The following ELF4 variants were observed in gnomAD, a reference collection of about 807,000 sequenced individuals.
ELF4 encodes the protein E74 like ETS transcription factor 4.
ELF4 carries 10 observed loss-of-function variants against 31.7 expected under a neutral mutation model. The observed-to-expected ratio is 0.32, with a 90% CI of 0.19 to 0.54. The LOEUF (loss-of-function observed/expected upper bound fraction) is 0.54, where lower values mean the gene tolerates loss of function less well. Among genes scored for constraint, ELF4 ranks in the 20% least tolerant of loss-of-function variants. ELF4 has a pLI of 0.95. For synonymous variants in ELF4, 208 were observed against 226.7 expected (o/e 0.92, Z 0.74); for missense variants, 418 against 522.0 (o/e 0.80, Z 1.94).
chrX:130,066,530 T>C lies in ELF4; in HGVS notation c.*191A>G. 1.0e-5 allele frequency: 5 copies of C among 481,395 alleles called. No individual in the cohort carries two copies. Among genetic ancestry groups the C allele is most frequent in the East Asian group, 3.5e-5 (1 of 28,926 alleles). 39.7% of individuals were successfully genotyped at this position (481,395 alleles called of 1,213,427 possible). A position where few individuals can be genotyped will look rare whatever the true frequency, so the allele number is the denominator to read the frequency against. ...TATGCCCTAGTGCTCTTGAAGGCCA[T>C]AGTCTGATGCCAGGGATGCTTAAGC... On this transcript the variant is annotated 3_prime_UTR_variant, in exon 9 of 9. Coordinates refer to ENST00000308167, the MANE Select transcript of ELF4 (RefSeq NM_001421.4).
chrX:130,077,813 C>T (rs757874546), intron 2 of ELF4, among the ~76,000 whole-genome samples: 6 of 111,826 alleles, frequency 5.4e-5, no homozygotes, highest in East Asian at 5.6e-4. Context: ...CAGGGCCTGG[C>T]GTAGACTAAG....
chrX:130,091,969 C>T (rs911607864), intron 1 of ELF4, among the ~76,000 whole-genome samples: 6 of 112,179 alleles, frequency 5.3e-5, no homozygotes. Context: ...CCGCTGCCCC[C>T]ATGGGCCTCC....
At chrX:130,073,545 CT>C (rs774879583) in intron 4 of ELF4, among the ~76,000 whole-genome samples, 11 of 112,301 alleles carry the variant, frequency 9.8e-5, no homozygotes, top group African/African-American at 3.6e-4. Flanking sequence ...GAGGTTCGCT[CT>C]TGTCACCCAG....
chrX:130,092,309 C>A (rs1054613727), intron 1 of ELF4, among the ~76,000 whole-genome samples: 2 of 113,313 alleles, frequency 1.8e-5, no homozygotes, highest in African/African-American at 6.4e-5. Flanking sequence ...CCCTTCGGGG[C>A]CTGCTGGCCC....
chrX:130,109,244 G>C (rs1343519667), intron 1 of ELF4, among the ~76,000 whole-genome samples: 3 of 112,169 alleles, frequency 2.7e-5, no homozygotes, highest in Admixed American at 9.4e-5. Flanking sequence ...TGGTGGTTCA[G>C]GCCCTGGGGT....
rs773499524 is a variant in ELF4 at position 130,071,437 on chromosome X, G to A, written c.533-18C>T. The A allele has an allele frequency of 4.2e-6, 5 of 1,204,762 alleles. No homozygotes were observed. The highest frequency in any genetic ancestry group is 4.5e-6 in the Non-Finnish European group (4 of 889,595). ...CTTCCGGACTATGAGGGAAAGGTGA[G>A]TAGGATGAGGAGCAGCTCCCAAGAG... On this transcript the variant is annotated intron_variant, in intron 5 of 8. Transcript: ENST00000308167.
Position 130,064,300 on chromosome X carries a change from T to C in ELF4, c.*2421A>G, listed in dbSNP as rs997412951. On this transcript the variant is annotated 3_prime_UTR_variant, in exon 9 of 9. Transcript: ENST00000308167. ...TGAAAATACAAAAATTAGCTGGGCA[T>C]GGTGGCATGTGCCTGTACTCCCAGC... 2.7e-5 allele frequency among the ~76,000 whole-genome samples: 3 copies of C among 111,233 alleles called. No individual in the cohort carries two copies. The highest frequency in any genetic ancestry group is 9.8e-5 in the African/African-American group (3 of 30,554).
At chrX:130,101,846 A>AAAACAAAAC (rs1933266374) in intron 1 of ELF4, among the ~76,000 whole-genome samples, 2 of 78,302 alleles carry the variant, frequency 2.6e-5, no homozygotes, top group African/African-American at 1.4e-4. Context: ...CAAAACAAAA[A>AAAACAAAAC]CAAGGCCAGA....
In ELF4 at chrX:130,066,564, G is replaced by A; in HGVS notation, c.*157C>T. 2 of 568,454 alleles carry A rather than the reference G, an allele frequency of 3.5e-6. No homozygotes were observed. Among genetic ancestry groups the A allele is most frequent in the Non-Finnish European group, 5.9e-6 (2 of 338,809 alleles). 46.8% of individuals were successfully genotyped at this position (568,454 alleles called of 1,213,427 possible). On this transcript the variant is annotated 3_prime_UTR_variant, in exon 9 of 9. Transcript: ENST00000308167. Reference sequence around the variant, plus strand: ...GCCAGGGATGCTTAAGCTGGGCACTGTTTGGCCACAGTGACACCAGGCAGG... The same window carrying A: ...GCCAGGGATGCTTAAGCTGGGCACTATTTGGCCACAGTGACACCAGGCAGG...
intron 1 of ELF4, among the ~76,000 whole-genome samples, chrX:130,091,593 T>C (rs1251358570): frequency 8.9e-6 from 1 of 111,842 alleles, no homozygotes; most frequent in African/African-American, 3.3e-5. Flanking sequence ...CACCCCATCA[T>C]GTTGATTTCT....
Position 130,065,056 on chromosome X carries a change from A to T in ELF4, c.*1665T>A, listed in dbSNP as rs1932630415. ...GGGGCAGGGAGAAGAAGAGTAGGAGAGGGTGATAGTTGTTGGCTTAACAAA... is the reference window on the plus strand; with the variant it reads ...GGGGCAGGGAGAAGAAGAGTAGGAGTGGGTGATAGTTGTTGGCTTAACAAA... On this transcript the variant is annotated 3_prime_UTR_variant, in exon 9 of 9. Transcript: ENST00000308167. The T allele has an allele frequency of 5.8e-6, 1 of 172,480 alleles. No individual in the cohort carries two copies. The highest frequency in any genetic ancestry group is 3.0e-5 in the African/African-American group (1 of 33,779). The allele number at this position is 172,480 out of a possible 1,213,427, so 14.2% of individuals were successfully genotyped here.
At chrX:130,102,534 C>T (rs764546709) in intron 1 of ELF4, among the ~76,000 whole-genome samples, 1 of 110,900 alleles carries the variant, frequency 9.0e-6, no homozygotes, top group South Asian at 3.8e-4. Context: ...AAAAAAAAGG[C>T]TGGGTGCAGT....
In ELF4 at chrX:130,067,230, G is replaced by A. The variant is rs188843575; in HGVS notation, c.1483C>T (p.Arg495Cys). 40 of 1,210,644 alleles carry A rather than the reference G, an allele frequency of 3.3e-5. No individual in the cohort carries two copies. Among genetic ancestry groups the A allele is most frequent in the Admixed American group, 2.2e-4 (10 of 45,971 alleles). ...GTGGGTGGCGCCGGGTTGGTCGGAC[G>A]GTTGGCCCCAGCCAGAAGTTGGGGG... Reference protein sequence around the residue: ...GLPQLLAGANRPTNPAPPTVT... With the variant: ...GLPQLLAGANCPTNPAPPTVT... Residue 495 changes from arginine (R) to cysteine (C), a missense_variant, in exon 9 of 9, where the codon CGT becomes TGT. Arg to Cys is a radical substitution (Grantham distance 180). Around this residue, in one of 4 missense-constraint regions of ELF4, gnomAD observed 260 missense variants for 269.2 expected, o/e 0.97. Transcript: ENST00000308167.
chrX:130,111,479 G>A (rs952785732), upstream of ELF4, among the ~76,000 whole-genome samples: 3 of 112,965 alleles, frequency 2.7e-5, no homozygotes, highest in Non-Finnish European at 5.6e-5. Flanking sequence ...GAGGCCGCGA[G>A]ATGCCCAGAG....
intron 1 of ELF4, among the ~76,000 whole-genome samples, chrX:130,086,976 G>A (rs749431780): frequency 1.8e-5 from 2 of 112,331 alleles, no homozygotes; most frequent in South Asian, 3.7e-4. Flanking sequence ...TCCTCACCCC[G>A]CCCCAGCACT....
rs1376952887 is a variant in ELF4, at chrX:130,074,692, G to A, written c.136C>T (p.Leu46=). 8.3e-7 allele frequency: 1 copy of A among 1,211,536 alleles called. No homozygotes were observed. Among genetic ancestry groups the A allele is most frequent in the South Asian group, 1.8e-5 (1 of 56,969 alleles). ...AACTCCAGTCCCGAGTACAGATGCA[G>A]TAAATCAGGGTAGGGTACCTGCTCC... ...IVEQVPYPDL[L]HLYSGLELDD... Residue 46 remains leucine (L), a synonymous_variant, in exon 3 of 9, where the codon CTG becomes TTG. Transcript: ENST00000308167.
chrX:130,072,173 A>ACCCCC, intron 5 of ELF4, 53 bp downstream of exon 5: 3 of 684,912 alleles, frequency 4.4e-6, no homozygotes, highest in Non-Finnish European at 6.7e-6. Context: ...CCGCCCCCCC[A>ACCCCC]CGCCCCGCCC....
chrX:130,076,669 G>T (rs1027792063), intron 2 of ELF4, among the ~76,000 whole-genome samples: 44 of 111,971 alleles, frequency 3.9e-4, no homozygotes, highest in African/African-American at 1.4e-3. Flanking sequence ...GACCTCAAGT[G>T]ATCCACCCAC....
At chrX:130,111,213 C>T (rs1385750144), upstream of ELF4, among the ~76,000 whole-genome samples, 40 of 111,358 alleles carry the variant, frequency 3.6e-4, 1 homozygote, top group Admixed American at 3.5e-3. Flanking sequence ...GCGGCCCGGG[C>T]GGGCGCTCCC....
Sources: gnomAD v4.1 joint callset for allele counts (sites outside exome capture counted in the v4.1 genomes callset) on GRCh38, gnomAD v4.1.1 for gene constraint, gnomAD v4.1.1 regional missense constraint, MANE v1.5 for transcripts, NCBI Gene and HGNC (gene_info 2026-07-23, HGNC 2026-07-21) for gene names.